FRRS1: variants seen among roughly 807,000 people sequenced by gnomAD.
The protein encoded by FRRS1 is ferric reductase 1.
In FRRS1, 51 loss-of-function variants were observed where a neutral mutation model predicts 70.7. The observed-to-expected ratio is 0.72, with a 90% CI of 0.58 to 0.91. The LOEUF is 0.91. Ranked by LOEUF, FRRS1 falls within the 40% of genes least tolerant of loss-of-function variation. The pLI is 0.00. For synonymous variants in FRRS1, 225 were observed against 238.7 expected (o/e 0.94, Z 0.53); for missense variants, 672 against 726.0 (o/e 0.93, Z 0.86).
intron 3 of FRRS1, 156 bp downstream of exon 3, chr1:99,748,417 A>G (rs1450177612): frequency 1.6e-6 from 1 of 630,898 alleles, no homozygotes; most frequent in African/African-American, 1.8e-5. Flanking sequence ...CTACTTAAGT[A>G]ATACAGTCAT....
chr1:99,745,299 C>T (rs1016545141), intron 4 of FRRS1, among the ~76,000 whole-genome samples: 1 of 152,130 alleles, frequency 6.6e-6, no homozygotes, highest in African/African-American at 2.4e-5. Flanking sequence ...TACAAGAAGT[C>T]CTGGACAATA....
intron 1 of FRRS1, among the ~76,000 whole-genome samples, chr1:99,753,210 T>C (rs577921368): frequency 7.7e-6 from 1 of 129,940 alleles, no homozygotes; most frequent in African/African-American, 3.3e-5. Context: ...AAGACCTCTG[T>C]CTCGATTTAA....
intron 9 of FRRS1, among the ~76,000 whole-genome samples, chr1:99,728,044 C>T (rs74934838): frequency 0.03 from 4,632 of 152,220 alleles, 109 homozygotes; most frequent in Non-Finnish European, 0.051. Context: ...TTTTTTCCCT[C>T]CCCGCCTCCC....
chr1:99,708,820 T>TA lies in FRRS1; in HGVS notation c.*207dup. 1 of 936,236 alleles carries TA rather than the reference T, an allele frequency of 1.1e-6. No individual in the cohort carries two copies. The highest frequency in any genetic ancestry group is 1.7e-6 in the Non-Finnish European group (1 of 598,228). The allele number at this position is 936,236 out of a possible 1,614,324, so 58.0% of individuals were successfully genotyped here. A position where few individuals can be genotyped will look rare whatever the true frequency, so the allele number is the denominator to read the frequency against. On this transcript the variant is annotated 3_prime_UTR_variant, in exon 17 of 17. Coordinates refer to ENST00000646001, the MANE Select transcript of FRRS1 (RefSeq NM_001361041.2). ...CTTTCCTTTAAGACCCAGAATTACA[T>TA]ATAGGGCATGACATTAATTTATAGT...
In FRRS1 at chr1:99,748,613, G is replaced by A. The variant is rs756818505; in HGVS notation, c.156C>T (p.Tyr52=). The part of the protein sequence containing the change: ...SPQSVPVHDI[Y]VSQMTFRPGD... ...CTGGCCTGAATGTCATCTGACTCAC[G>A]TAAATGTCATGAACAGGAACAGACT... Residue 52 remains tyrosine, a synonymous_variant, in exon 3 of 17, where the codon TAC becomes TAT. Transcript: ENST00000646001. 75 of 1,613,824 alleles carry A rather than the reference G, an allele frequency of 4.6e-5. No individual in the cohort carries two copies. The East Asian group carries it at 1.4e-3, about 30-fold the overall frequency.
At position 99,717,468 on chromosome 1, in the gene FRRS1, C is replaced by T. The variant is rs777079853; in HGVS notation, c.1178G>A (p.Arg393Gln). The T allele has an allele frequency of 4.6e-5, 75 of 1,613,966 alleles. No homozygotes were observed. The highest frequency in any genetic ancestry group is 5.9e-5 in the Non-Finnish European group (70 of 1,179,972). Residue 393 changes from arginine (R) to glutamine (Q), a missense_variant, in exon 11 of 17, where the codon CGG becomes CAG. Coordinates refer to ENST00000646001, the MANE Select transcript of FRRS1 (RefSeq NM_001361041.2). ...TTTTGACCAAACTGGCTTGAAGAAC[C>T]GGGCAACCAGTACACCTATGCTAAC... The part of the protein sequence containing the change: ...TTVSIGVLVA[R>Q]FFKPVWSKAF...
chr1:99,715,131 A>ACAAGTGTGAACCACCACACC (rs1553170034), intron 12 of FRRS1, among the ~76,000 whole-genome samples: 1 of 152,160 alleles, frequency 6.6e-6, no homozygotes, highest in Non-Finnish European at 1.5e-5. Context: ...TGCTGGGATG[A>ACAAGTGTGAACCACCACACC]CAAGTGTGAA....
At chr1:99,746,044 A>T (rs191075213) in intron 4 of FRRS1, among the ~76,000 whole-genome samples, 5 of 152,180 alleles carry the variant, frequency 3.3e-5, no homozygotes, top group African/African-American at 1.2e-4. Context: ...CAGAACAGTG[A>T]GCCAATTAAG....
intron 6 of FRRS1, among the ~76,000 whole-genome samples, chr1:99,740,273 C>T (rs1655887288): frequency 6.6e-6 from 1 of 152,170 alleles, no homozygotes; most frequent in African/African-American, 2.4e-5. Context: ...ATATCCACCA[C>T]CAGTAAAGAC....
intron 7 of FRRS1, 92 bp from the exon 8 acceptor site, chr1:99,729,840 T>C (rs1199632250): frequency 6.7e-6 from 5 of 744,968 alleles, no homozygotes; most frequent in Non-Finnish European, 9.2e-6. Context: ...AAACCAAATA[T>C]TATGTGATGC....
rs1032375705 is a variant in FRRS1 at position 99,711,991 on chromosome 1, A to C, written c.1480+114T>G. ...CAACGTTTAAGGCTGATTTCTTCTC[A>C]ACAACCAATTACTCCAATTACTAAT... On this transcript the variant is annotated intron_variant, in intron 14 of 16. Transcript: ENST00000646001. 4.3e-6 allele frequency: 3 copies of C among 695,622 alleles called. No individual in the cohort carries two copies. In the Admixed American group the frequency reaches 7.7e-5, roughly 18 times the overall value. The allele number at this position is 695,622 out of a possible 1,614,324, so 43.1% of individuals were successfully genotyped here.
chr1:99,730,633 C>T (rs1431506122), intron 7 of FRRS1, among the ~76,000 whole-genome samples: 1 of 151,978 alleles, frequency 6.6e-6, no homozygotes, highest in Non-Finnish European at 1.5e-5. Context: ...TTTGGGAGGC[C>T]AAGGCGGGCA....
rs1654056958 is a variant in FRRS1, at chr1:99,707,152, C to T, written c.*1876G>A. 6.6e-6 allele frequency among the ~76,000 whole-genome samples: 1 copy of T among 151,566 alleles called. No individual in the cohort carries two copies. Among genetic ancestry groups the T allele is most frequent in the Non-Finnish European group, 1.5e-5 (1 of 67,916 alleles). On this transcript the variant is annotated 3_prime_UTR_variant, in exon 17 of 17. Transcript: ENST00000646001. ...TTATGATAAACACCTATAAAAGGAA[C>T]AAAAACTAAACTTCCACATTATTTT...
intron 6 of FRRS1, among the ~76,000 whole-genome samples, chr1:99,740,218 G>GA (rs35677289): frequency 7.0e-4 from 106 of 151,128 alleles, no homozygotes; most frequent in African/African-American, 2.1e-3. Flanking sequence ...TTAAAAGAAA[G>GA]AAAAAAAAAC....
At chr1:99,724,191 G>A (rs1230732519) in intron 9 of FRRS1, among the ~76,000 whole-genome samples, 1 of 152,190 alleles carries the variant, frequency 6.6e-6, no homozygotes, top group Non-Finnish European at 1.5e-5. Context: ...GTTCCATTGT[G>A]TGGCTCCATT....
Position 99,731,846 on chromosome 1 carries a change from A to G in FRRS1, c.760-2098T>C, listed in dbSNP as rs183956544. 1.3e-5 allele frequency among the ~76,000 whole-genome samples: 2 copies of G among 152,160 alleles called. 1 individual carries two copies. The highest frequency in any genetic ancestry group is 4.1e-4 in the South Asian group (2 of 4,828). On this transcript the variant is annotated intron_variant, in intron 7 of 16. Transcript: ENST00000646001. ...CGATTTATTTTTTATTTTTTAAAAA[A>G]GTAGAGATGGATTCTCGCCCTGTTG...
chr1:99,764,211 A>G (rs1177938161), intron 1 of FRRS1, among the ~76,000 whole-genome samples: 1 of 152,230 alleles, frequency 6.6e-6, no homozygotes, highest in Non-Finnish European at 1.5e-5. Flanking sequence ...AATCAAAACA[A>G]GAAAACTGCA....
chr1:99,728,229 G>A (rs375573404), intron 9 of FRRS1, among the ~76,000 whole-genome samples: 2 of 152,144 alleles, frequency 1.3e-5, no homozygotes, highest in South Asian at 4.1e-4. Flanking sequence ...GGTATTTATA[G>A]TTCTTCTGGT....
intron 9 of FRRS1, among the ~76,000 whole-genome samples, chr1:99,724,556 T>C (rs537291306): frequency 6.6e-6 from 1 of 152,250 alleles, no homozygotes; most frequent in Admixed American, 6.5e-5. Context: ...ACAGAGATTA[T>C]ATGATAGCTT....
Sources: allele counts gnomAD v4.1 joint callset (sites outside exome capture counted in the v4.1 genomes callset), GRCh38; gene constraint gnomAD v4.1.1; transcripts MANE v1.5; gene names NCBI Gene and HGNC (gene_info 2026-07-23, HGNC 2026-07-21).